ERC1: variants seen among roughly 807,000 people sequenced by gnomAD.
ERC1 encodes the protein RAB6 interacting protein 2.
ERC1 carries 56 observed loss-of-function variants against 132.0 expected under a neutral mutation model. The observed-to-expected ratio is 0.42, with a 90% CI of 0.34 to 0.53. ERC1 has a LOEUF of 0.53. ERC1 is among the 20% of genes least tolerant of loss of function. ERC1 has a pLI of 0.03. For missense variants in ERC1, 1,202 were observed against 1,349.9 expected, an observed-to-expected ratio of 0.89 and a Z score of 1.72; for synonymous variants, 478 against 476.1, an observed-to-expected ratio of 1.00 and a Z score of -0.05.
At chr12:1,457,380 G>A (rs567562905) in intron 18 of ERC1, among the ~76,000 whole-genome samples, 79 of 152,266 alleles carry the variant, frequency 5.2e-4, no homozygotes, top group African/African-American at 1.7e-3. Flanking sequence ...GAATCTGATC[G>A]TAAGCAACAT....
At chr12:1,403,810 T>G (rs1409049378) in intron 16 of ERC1, among the ~76,000 whole-genome samples, 1 of 152,236 alleles carries the variant, frequency 6.6e-6, no homozygotes. Context: ...TATTAAAGAT[T>G]GTCTCATGTT....
chr12:1,200,152 T>A (rs1594169717), intron 12 of ERC1, among the ~76,000 whole-genome samples: 1 of 152,168 alleles, frequency 6.6e-6, no homozygotes, highest in African/African-American at 2.4e-5. Flanking sequence ...TTTTATACAA[T>A]GAAAATGGAG....
chr12:1,242,565 C>G (rs1371788802), intron 13 of ERC1, among the ~76,000 whole-genome samples: 1 of 152,092 alleles, frequency 6.6e-6, no homozygotes, highest in Non-Finnish European at 1.5e-5. Context: ...TTGTATTCAC[C>G]TATAAAATAA....
At chr12:998,076 C>T (rs988177990) in intron 1 of ERC1, among the ~76,000 whole-genome samples, 1 of 152,220 alleles carries the variant, frequency 6.6e-6, no homozygotes, top group African/African-American at 2.4e-5. Flanking sequence ...CTGCTTTACA[C>T]ACTTAAGAGT....
intron 2 of ERC1, among the ~76,000 whole-genome samples, chr12:1,060,486 T>C (rs1395306395): frequency 1.3e-5 from 2 of 152,084 alleles, no homozygotes; most frequent in East Asian, 3.9e-4. Flanking sequence ...TGCATCCATG[T>C]CCCTACAAAG....
At chr12:1,132,855 GTT>G (rs143199706) in intron 7 of ERC1, among the ~76,000 whole-genome samples, 3 of 145,248 alleles carry the variant, frequency 2.1e-5, no homozygotes, top group South Asian at 2.2e-4. Flanking sequence ...AATAATGTGG[GTT>G]TTTTTTTTTT....
At chr12:1,041,045 C>A (rs1970119777) in intron 2 of ERC1, among the ~76,000 whole-genome samples, 2 of 151,884 alleles carry the variant, frequency 1.3e-5, no homozygotes, top group Non-Finnish European at 2.9e-5. Context: ...TATTAAGGAC[C>A]CCAAGCAGCT....
rs1555139790 is a variant in ERC1, at chr12:1,493,548, AATATATATATATATATAT to A, written c.*3331_*3348del. On this transcript the variant is annotated 3_prime_UTR_variant, in exon 19 of 19. Coordinates refer to ENST00000360905, the MANE Select transcript of ERC1 (RefSeq NM_178040.4). ...ACTCCATTTAAAAAAAAAAAAAAAA[AATATATATATATATATAT>A]ATATATATATATGGATGGGAATCAC... 2 of 13,618 alleles carry A rather than the reference AATATATATATATATATAT, an allele frequency of 1.5e-4. No individual in the cohort carries two copies. Among genetic ancestry groups the A allele is most frequent in the African/African-American group, 4.4e-4 (2 of 4,554 alleles). The allele number at this position is 13,618 out of a possible 1,614,324, so 0.8% of individuals were successfully genotyped here.
At position 1,000,500 on chromosome 12, in the gene ERC1, A is replaced by T. The variant is rs202241558; in HGVS notation, c.-157+9178A>T. The stretch of plus-strand genomic sequence containing the variant: ...GACCCTGTCTCAGAAAAAAAAAAAA[A>T]AATAACCCAATGGGATGAAAATTTT... On this transcript the variant is annotated intron_variant, in intron 1 of 18. Coordinates refer to ENST00000360905, the MANE Select transcript of ERC1 (RefSeq NM_178040.4). Among the ~76,000 whole-genome samples, 15 of 152,028 alleles carry T rather than the reference A, an allele frequency of 9.9e-5. No homozygotes were observed. In the East Asian group the frequency reaches 2.1e-3, roughly 22 times the overall value.
intron 12 of ERC1, among the ~76,000 whole-genome samples, chr12:1,220,739 C>T (rs1036119727): frequency 6.6e-6 from 1 of 152,200 alleles, no homozygotes; most frequent in Non-Finnish European, 1.5e-5. Flanking sequence ...ACAGATTTTA[C>T]ATGATTCACA....
rs537191031 is a variant in ERC1, at chr12:1,352,555, T to C, written c.2781-19278T>C. ...TTTTTATATTATAATAGCTAGAATG[T>C]TCTTAGAATTTATCTTCTTAATTCA... On this transcript the variant is annotated intron_variant, in intron 15 of 18. Coordinates refer to ENST00000360905, the MANE Select transcript of ERC1 (RefSeq NM_178040.4). Among the ~76,000 whole-genome samples the C allele has an allele frequency of 2.0e-5, 3 of 152,306 alleles. 1 individual carries two copies. In the East Asian group the frequency reaches 5.8e-4, roughly 29 times the overall value.
intron 13 of ERC1, among the ~76,000 whole-genome samples, chr12:1,238,906 G>T (rs1323855272): frequency 6.6e-6 from 1 of 152,072 alleles, no homozygotes; most frequent in Non-Finnish European, 1.5e-5. Flanking sequence ...TAGAGTGGAT[G>T]ACTGGCTTCC....
At chr12:1,006,863 G>T (rs967054578) in intron 1 of ERC1, among the ~76,000 whole-genome samples, 1 of 151,712 alleles carries the variant, frequency 6.6e-6, no homozygotes, top group African/African-American at 2.4e-5. Flanking sequence ...AGTTGTTCAA[G>T]AGTACATATG....
At chr12:1,345,678 G>T (rs1454256851) in intron 15 of ERC1, among the ~76,000 whole-genome samples, 1 of 152,058 alleles carries the variant, frequency 6.6e-6, no homozygotes, top group African/African-American at 2.4e-5. Context: ...TTTTATATCA[G>T]CTTTACCAAG....
At chr12:1,396,020 G>A in intron 16 of ERC1, among the ~76,000 whole-genome samples, 1 of 152,042 alleles carries the variant, frequency 6.6e-6, no homozygotes, top group East Asian at 1.9e-4. Context: ...CTATTTGCGT[G>A]GAAGGAAATG....
At position 1,056,071 on chromosome 12, in the gene ERC1, CTT is replaced by C. The variant is rs746163650; in HGVS notation, c.670-27081_670-27080del. Among the ~76,000 whole-genome samples the C allele has an allele frequency of 1.7e-3, 240 of 138,192 alleles. 1 individual carries two copies. Among genetic ancestry groups the C allele is most frequent in the African/African-American group, 5.7e-3 (217 of 38,072 alleles). 90.7% of individuals were successfully genotyped at this position (138,192 alleles called of 152,430 possible). Reference sequence around the variant, plus strand: ...CATTAATTGTTACTTTTATTGTAGCCTTTTTTTTTTTTTAAAAAAAAGGTGAA... The same window carrying C: ...CATTAATTGTTACTTTTATTGTAGCCTTTTTTTTTTTAAAAAAAAGGTGAA... On this transcript the variant is annotated intron_variant, in intron 2 of 18. Transcript: ENST00000360905.
At chr12:1,223,212 A>G (rs1437219768) in intron 12 of ERC1, among the ~76,000 whole-genome samples, 1 of 152,212 alleles carries the variant, frequency 6.6e-6, no homozygotes, top group Non-Finnish European at 1.5e-5. Flanking sequence ...ACAAGTCAAC[A>G]TGTCATAAGA....
intron 15 of ERC1, among the ~76,000 whole-genome samples, chr12:1,338,663 G>A (rs1255874429): frequency 6.6e-6 from 1 of 152,066 alleles, no homozygotes; most frequent in African/African-American, 2.4e-5. Context: ...TTATCTTTCT[G>A]GGGTAATGTT....
chr12:1,410,067 T>A (rs1361605191), intron 17 of ERC1, among the ~76,000 whole-genome samples: 4 of 152,198 alleles, frequency 2.6e-5, no homozygotes. Context: ...ATGTAAATAC[T>A]GTGTAAATAG....
Sources: allele counts gnomAD v4.1 joint callset (sites outside exome capture counted in the v4.1 genomes callset), GRCh38; gene constraint gnomAD v4.1.1; transcripts MANE v1.5; gene names NCBI Gene and HGNC (gene_info 2026-07-23, HGNC 2026-07-21).